FAM76A: variants seen among roughly 807,000 people sequenced by gnomAD.
The protein encoded by FAM76A is family with sequence similarity 76 member A.
A neutral mutation model predicts 46.2 loss-of-function variants in FAM76A; 32 were observed. The observed-to-expected ratio is 0.69, with a 90% confidence interval of 0.52 to 0.93. The LOEUF (loss-of-function observed/expected upper bound fraction) is 0.93, where lower values mean the gene tolerates loss of function less well. Ranked by LOEUF, FAM76A falls within the 40% of genes least tolerant of loss-of-function variation. The probability of loss-of-function intolerance (pLI) is 0.00; values close to 1 mark genes in which losing one functional copy is unlikely to be tolerated. For synonymous variants in FAM76A, 137 were observed against 127.0 expected (o/e 1.08, Z -0.53); for missense variants, 274 against 361.5 (o/e 0.76, Z 1.96).
intron 4 of FAM76A, chr1:27,740,639 G>A (rs2088135775): frequency 1.7e-6 from 1 of 598,694 alleles, no homozygotes; most frequent in East Asian, 3.0e-5. Context: ...AGACCACAAG[G>A]AGCCCAATGT....
At position 27,732,879 on chromosome 1, in the gene FAM76A, A is replaced by G. The variant is rs530838820; in HGVS notation, c.201+222A>G. ...GATTATGATTATAATTTTCATTGAGAGGCTTCAGTGACCAGTATGGAAAGA... is the reference window on the plus strand; with the variant it reads ...GATTATGATTATAATTTTCATTGAGGGGCTTCAGTGACCAGTATGGAAAGA... On this transcript the variant is annotated intron_variant, in intron 3 of 8. Transcript: ENST00000373954. Among the ~76,000 whole-genome samples the G allele has an allele frequency of 3.2e-4, 48 of 152,010 alleles. 1 individual carries two copies.
chr1:27,740,634 A>T (rs2088135707), intron 4 of FAM76A: 3 of 610,076 alleles, frequency 4.9e-6, no homozygotes, highest in East Asian at 2.9e-5. Flanking sequence ...CAGTGAGACC[A>T]CAAGGAGCCC....
intron 4 of FAM76A, among the ~76,000 whole-genome samples, chr1:27,738,682 C>T (rs2088099291): frequency 6.6e-6 from 1 of 152,066 alleles, no homozygotes; most frequent in Admixed American, 6.6e-5. Context: ...ACCTTACTCT[C>T]ACAGAGCTTA....
rs1467378637 is a variant in FAM76A, at chr1:27,761,539, T to A, written c.*958T>A. On this transcript the variant is annotated 3_prime_UTR_variant, in exon 9 of 9. Coordinates refer to ENST00000373954, the MANE Select transcript of FAM76A (RefSeq NM_152660.3). The stretch of plus-strand genomic sequence containing the variant: ...TCTCCCCACCCCTTTCCTGATTGTT[T>A]TATGTGATTGATTTTAAATTCTCAC... 6.6e-6 allele frequency: 1 copy of A among 152,662 alleles called. No homozygotes were observed. The highest frequency in any genetic ancestry group is 1.5e-5 in the Non-Finnish European group (1 of 68,048). 9.5% of individuals were successfully genotyped at this position (152,662 alleles called of 1,614,324 possible).
At chr1:27,748,288 G>A (rs538231371) in intron 5 of FAM76A, among the ~76,000 whole-genome samples, 1 of 151,454 alleles carries the variant, frequency 6.6e-6, no homozygotes, top group South Asian at 2.1e-4. Context: ...ACCACACCCG[G>A]CTGATTTTTA....
At chr1:27,743,600 C>CA (rs1017857413) in intron 4 of FAM76A, among the ~76,000 whole-genome samples, 4 of 151,912 alleles carry the variant, frequency 2.6e-5, no homozygotes, top group African/African-American at 9.7e-5. Context: ...CCTGTCTCTA[C>CA]AAAAAAATAC....
At chr1:27,753,779 G>A (rs546815105) in intron 6 of FAM76A, among the ~76,000 whole-genome samples, 24 of 152,282 alleles carry the variant, frequency 1.6e-4, no homozygotes, top group East Asian at 7.7e-4. Context: ...TATTAGATGT[G>A]GTTTAGGATA....
chr1:27,756,194 G>A (rs1266311723), intron 7 of FAM76A, among the ~76,000 whole-genome samples: 1 of 152,218 alleles, frequency 6.6e-6, no homozygotes, highest in Non-Finnish European at 1.5e-5. Context: ...CAGCGTTCAT[G>A]TGGGCCTTCT....
In FAM76A at chr1:27,761,249, G is replaced by A. The variant is rs2088505332; in HGVS notation, c.*668G>A. The A allele has an allele frequency of 2.1e-5, 1 of 47,112 alleles. No homozygotes were observed. Among genetic ancestry groups the A allele is most frequent in the African/African-American group, 9.5e-5 (1 of 10,500 alleles). 2.9% of individuals were successfully genotyped at this position (47,112 alleles called of 1,614,324 possible). On this transcript the variant is annotated 3_prime_UTR_variant, in exon 9 of 9. Coordinates refer to ENST00000373954, the MANE Select transcript of FAM76A (RefSeq NM_152660.3). ...GGTGGTCTAGCTAGTTCTTGTAAAA[G>A]TGATGCCTCTTGAAAAAAAAACAGT...
chr1:27,734,004 T>A (rs904522777), intron 3 of FAM76A, 27 bp from the exon 4 acceptor site: 1 of 1,595,542 alleles, frequency 6.3e-7, no homozygotes, highest in Non-Finnish European at 8.5e-7. Context: ...AAGTAATACT[T>A]ACTTGACTCT....
chr1:27,732,543 A>T, intron 2 of FAM76A, 60 bp from the exon 3 acceptor site: 1 of 1,498,086 alleles, frequency 6.7e-7, no homozygotes, highest in Non-Finnish European at 9.2e-7. Context: ...CCTTGGGCTT[A>T]AGGAGGTATC....
At chr1:27,757,028 C>G (rs923888656) in intron 7 of FAM76A, among the ~76,000 whole-genome samples, 6 of 151,776 alleles carry the variant, frequency 4.0e-5, no homozygotes, top group African/African-American at 1.5e-4. Context: ...CACTGCACTC[C>G]AGCCTGTGGG....
rs755559347 is a variant in FAM76A at position 27,726,628 on chromosome 1, A to AT, written c.81+483dup. Among the ~76,000 whole-genome samples, 992 of 139,680 alleles carry AT rather than the reference A, an allele frequency of 7.1e-3. 6 individuals carry two copies. Among genetic ancestry groups the AT allele is most frequent in the African/African-American group, 0.017 (660 of 38,198 alleles). 91.6% of individuals were successfully genotyped at this position (139,680 alleles called of 152,430 possible). ...TCAGAATCGGAGGTAGCAAGGCTTG[A>AT]TTTTTTTTTTTTTTTTAAGCATCTC... On this transcript the variant is annotated intron_variant, in intron 1 of 8. Coordinates refer to ENST00000373954, the MANE Select transcript of FAM76A (RefSeq NM_152660.3).
In FAM76A at chr1:27,749,082, C is replaced by A. The variant is rs758722742; in HGVS notation, c.527C>A (p.Ser176Tyr). 1.2e-5 allele frequency: 19 copies of A among 1,601,854 alleles called. No individual in the cohort carries two copies. Among genetic ancestry groups the A allele is most frequent in the Non-Finnish European group, 1.5e-5 (18 of 1,176,882 alleles). ...GCCATTAAAAGCCAGAAAACACTTT[C>A]TACATCTTCAATTCAAAATGAAATC... The part of the protein sequence containing the change: ...GGHYNSQKTL[S>Y]TSSIQNEIPK... Residue 176 changes from serine to tyrosine, a missense_variant, in exon 6 of 9, where the codon TCT becomes TAT. Physicochemically the swap from Ser to Tyr is moderately radical, Grantham distance 144. Coordinates refer to ENST00000373954, the MANE Select transcript of FAM76A (RefSeq NM_152660.3).
At chr1:27,745,519 G>A (rs1257959202) in intron 5 of FAM76A, among the ~76,000 whole-genome samples, 1 of 152,086 alleles carries the variant, frequency 6.6e-6, no homozygotes, top group African/African-American at 2.4e-5. Flanking sequence ...GTATTCTCAC[G>A]GGTCAGGGAT....
intron 8 of FAM76A, chr1:27,759,913 A>G (rs2088477896): frequency 2.0e-6 from 1 of 508,570 alleles, no homozygotes; most frequent in Non-Finnish European, 3.8e-6. Context: ...GACCACAGCC[A>G]TATACCACCA....
chr1:27,740,050 T>C, intron 4 of FAM76A: 1 of 401,978 alleles, frequency 2.5e-6, no homozygotes, highest in South Asian at 2.2e-5. Flanking sequence ...TGGGTCCACC[T>C]GGATGTCATG....
chr1:27,734,802 T>A (rs1029387412), intron 4 of FAM76A, among the ~76,000 whole-genome samples: 1 of 152,230 alleles, frequency 6.6e-6, no homozygotes, highest in African/African-American at 2.4e-5. Flanking sequence ...TTACCAGTTT[T>A]ACTATCTGGC....
intron 5 of FAM76A, among the ~76,000 whole-genome samples, chr1:27,746,753 A>G (rs1329806443): frequency 6.6e-6 from 1 of 152,100 alleles, no homozygotes; most frequent in African/African-American, 2.4e-5. Flanking sequence ...AATAAAAAGA[A>G]TCACTGGGGG....
Sources: allele counts gnomAD v4.1 joint callset (sites outside exome capture counted in the v4.1 genomes callset), GRCh38; gene constraint gnomAD v4.1.1; transcripts MANE v1.5; gene names NCBI Gene and HGNC (gene_info 2026-07-23, HGNC 2026-07-21).